Variants in PRKD1 observed in about 807,000 individuals in gnomAD.
The protein encoded by PRKD1 is protein kinase D1.
Under a neutral mutation model 95.9 loss-of-function variants are expected in PRKD1, and 63 were observed. That is an observed-to-expected ratio of 0.66 (90% CI 0.54 to 0.81). PRKD1 has a LOEUF of 0.81. Among genes scored for constraint, PRKD1 ranks in the 30% least tolerant of loss-of-function variants. The probability of loss-of-function intolerance (pLI) is 0.00; values close to 1 mark genes in which losing one functional copy is unlikely to be tolerated. For synonymous variants in PRKD1, 425 were observed against 423.1 expected (o/e 1.00, Z -0.05); for missense variants, 1,048 against 1,165.3 (o/e 0.90, Z 1.47).
At chr14:29,773,008 A>G (rs1276159013) in intron 1 of PRKD1, among the ~76,000 whole-genome samples, 1 of 152,196 alleles carries the variant, frequency 6.6e-6, no homozygotes, top group African/African-American at 2.4e-5. Context: ...GCACTCGGTG[A>G]CTTAAGATTT....
intron 1 of PRKD1, among the ~76,000 whole-genome samples, chr14:29,924,570 T>C (rs2139145990): frequency 6.6e-6 from 1 of 152,294 alleles, no homozygotes; most frequent in South Asian, 2.1e-4. Context: ...GAAAAACTTC[T>C]TAACACATTT....
intron 1 of PRKD1, among the ~76,000 whole-genome samples, chr14:29,758,331 G>T (rs1452204348): frequency 1.3e-5 from 2 of 152,116 alleles, no homozygotes; most frequent in East Asian, 3.9e-4. Context: ...AGACTTGATC[G>T]AGAGGTGGAT....
chr14:29,854,777 G>A (rs1234715632), intron 1 of PRKD1, among the ~76,000 whole-genome samples: 1 of 152,172 alleles, frequency 6.6e-6, no homozygotes, highest in African/African-American at 2.4e-5. Flanking sequence ...TTCGTGGGCT[G>A]AGTCCAGGGT....
intron 1 of PRKD1, among the ~76,000 whole-genome samples, chr14:29,900,706 C>G (rs1008428693): frequency 2.0e-5 from 3 of 152,104 alleles, no homozygotes; most frequent in Admixed American, 6.5e-5. Flanking sequence ...ACAAGACATA[C>G]AAGCAACAAC....
intron 11 of PRKD1, among the ~76,000 whole-genome samples, chr14:29,628,604 T>G (rs1879780776): frequency 6.6e-6 from 1 of 152,212 alleles, no homozygotes; most frequent in Non-Finnish European, 1.5e-5. Flanking sequence ...CAAGTGACTA[T>G]AAGAGCATTT....
intron 2 of PRKD1, among the ~76,000 whole-genome samples, chr14:29,683,141 A>C (rs1374094145): frequency 6.6e-6 from 1 of 152,216 alleles, no homozygotes; most frequent in Non-Finnish European, 1.5e-5. Context: ...ATTGCAGAGA[A>C]GATGGACTAC....
intron 1 of PRKD1, among the ~76,000 whole-genome samples, chr14:29,791,024 C>T (rs976624558): frequency 3.9e-5 from 6 of 152,172 alleles, no homozygotes; most frequent in East Asian, 3.8e-4. Context: ...ATTGTATTCA[C>T]TCACATGTGT....
intron 13 of PRKD1, among the ~76,000 whole-genome samples, chr14:29,609,023 C>T (rs1594358513): frequency 6.6e-6 from 1 of 152,242 alleles, no homozygotes; most frequent in East Asian, 1.9e-4. Context: ...ACAATCCACC[C>T]TCTTGTGAAC....
At chr14:29,727,773 A>G (rs1428602237) in intron 1 of PRKD1, among the ~76,000 whole-genome samples, 9 of 152,052 alleles carry the variant, frequency 5.9e-5, no homozygotes, top group African/African-American at 9.7e-5. Flanking sequence ...ATGTCCAACA[A>G]TGATAGACTG....
At chr14:29,732,025 A>G (rs916471016) in intron 1 of PRKD1, among the ~76,000 whole-genome samples, 3 of 151,950 alleles carry the variant, frequency 2.0e-5, no homozygotes, top group East Asian at 1.9e-4. Context: ...AGACGTACAC[A>G]GTACACCCAG....
chr14:29,882,060 A>G lies in PRKD1; in HGVS notation c.264+45189T>C, dbSNP rs192672075. On this transcript the variant is annotated intron_variant, in intron 1 of 17. Coordinates refer to ENST00000331968, the MANE Select transcript of PRKD1 (RefSeq NM_002742.3). Reference sequence around the variant, plus strand: ...CTTAAGGACAAGATTTAACTTATACATCAATATATATCAGAACTCAGCTCA... The same window carrying G: ...CTTAAGGACAAGATTTAACTTATACGTCAATATATATCAGAACTCAGCTCA... 2.0e-5 allele frequency among the ~76,000 whole-genome samples: 3 copies of G among 152,310 alleles called. No individual in the cohort carries two copies. In the East Asian group the frequency reaches 5.8e-4, roughly 29 times the overall value.
At chr14:29,908,327 C>A (rs1211655232) in intron 1 of PRKD1, among the ~76,000 whole-genome samples, 4 of 152,114 alleles carry the variant, frequency 2.6e-5, no homozygotes, top group African/African-American at 4.8e-5. Flanking sequence ...GTCAGAGACT[C>A]ACACTGTCGC....
rs45586635 is a variant in PRKD1 at position 29,599,761 on chromosome 14, T to G, written c.1962A>C (p.Arg654Ser). ...NLECMFETPE[R>S]VFVVMEKLHG... ...GGAGTTTTTCCATAACAACAAACAC[T>G]CTTTCAGGCGTCTCAAACATACACT... The change falls in exon 14 of 18, where the codon AGA becomes AGC. Residue 654 changes from arginine to serine, a missense_variant. Arg to Ser is a moderately radical substitution (Grantham distance 110, BLOSUM62 -1). This residue lies in a region of PRKD1 where 739 missense variants were observed against 861.9 expected (regional missense o/e 0.86). Coordinates refer to ENST00000331968, the MANE Select transcript of PRKD1 (RefSeq NM_002742.3). The G allele has an allele frequency of 6.2e-7, 1 of 1,613,284 alleles. No individual in the cohort carries two copies. The highest frequency in any genetic ancestry group is 2.2e-5 in the East Asian group (1 of 44,838).
intron 15 of PRKD1, among the ~76,000 whole-genome samples, 177 bp downstream of exon 15, chr14:29,598,850 C>T (rs940320459): frequency 6.6e-6 from 1 of 152,138 alleles, no homozygotes; most frequent in Non-Finnish European, 1.5e-5. Flanking sequence ...AGGCATGCTT[C>T]ACCAAAAGGC....
chr14:29,691,625 T>C (rs1291675623), intron 2 of PRKD1, among the ~76,000 whole-genome samples: 1 of 152,162 alleles, frequency 6.6e-6, no homozygotes, highest in Non-Finnish European at 1.5e-5. Flanking sequence ...GCAAAAGTTA[T>C]TAGGTTGGTG....
intron 2 of PRKD1, among the ~76,000 whole-genome samples, chr14:29,716,633 G>A (rs1036628328): frequency 1.3e-5 from 2 of 152,172 alleles, no homozygotes. Flanking sequence ...AAAAGACAAT[G>A]AATAAATTGA....
chr14:29,873,705 G>A (rs1893190298), intron 1 of PRKD1, among the ~76,000 whole-genome samples: 1 of 151,882 alleles, frequency 6.6e-6, no homozygotes, highest in Admixed American at 6.6e-5. Context: ...AAGTTGGGGG[G>A]CACCCATCCC....
At chr14:29,906,584 G>A (rs1444157796) in intron 1 of PRKD1, among the ~76,000 whole-genome samples, 1 of 152,092 alleles carries the variant, frequency 6.6e-6, no homozygotes, top group Non-Finnish European at 1.5e-5. Context: ...GAGTAACTGA[G>A]ATGTAAAATG....
intron 2 of PRKD1, among the ~76,000 whole-genome samples, chr14:29,689,769 A>G (rs912023865): frequency 2.0e-4 from 30 of 152,226 alleles, no homozygotes; most frequent in African/African-American, 6.3e-4. Context: ...TGGCACATAC[A>G]TACCATGGAA....
Sources: gnomAD v4.1 joint callset for allele counts (sites outside exome capture counted in the v4.1 genomes callset) on GRCh38, gnomAD v4.1.1 for gene constraint, gnomAD v4.1.1 regional missense constraint, MANE v1.5 for transcripts, NCBI Gene and HGNC (gene_info 2026-07-23, HGNC 2026-07-21) for gene names.